The following GOLM2 variants were observed in gnomAD, a reference collection of about 807,000 sequenced individuals.
GOLM2 encodes the protein golgi membrane protein 2, also known as protein GOLM2.
A neutral mutation model predicts 55.9 loss-of-function variants in GOLM2; 26 were observed. That is an observed-to-expected ratio of 0.47 (90% confidence interval 0.34 to 0.65). GOLM2 has a LOEUF of 0.65. Ranked by LOEUF, GOLM2 falls within the 30% of genes least tolerant of loss-of-function variation. GOLM2 has a pLI of 0.01. For synonymous variants in GOLM2, 165 were observed against 194.6 expected (o/e 0.85, Z 1.27); for missense variants, 486 against 531.8 (o/e 0.91, Z 0.85).
At chr15:44,309,543 C>A (rs2078859897) in intron 1 of GOLM2, among the ~76,000 whole-genome samples, 1 of 152,012 alleles carries the variant, frequency 6.6e-6, no homozygotes, top group African/African-American at 2.4e-5. Context: ...GCTAAAAAGG[C>A]TAAAAGCTAA....
At chr15:44,319,633 G>C (rs1485519803) in intron 1 of GOLM2, among the ~76,000 whole-genome samples, 1 of 152,042 alleles carries the variant, frequency 6.6e-6, no homozygotes, top group African/African-American at 2.4e-5. Flanking sequence ...GCCACCTAGG[G>C]TAGGAGTGCC....
chr15:44,342,291 G>T (rs572722244), intron 6 of GOLM2, among the ~76,000 whole-genome samples: 2 of 151,502 alleles, frequency 1.3e-5, no homozygotes, highest in African/African-American at 4.9e-5. Flanking sequence ...TTGGGACAGG[G>T]TCTTGCTCTG....
intron 8 of GOLM2, among the ~76,000 whole-genome samples, chr15:44,402,021 G>A (rs2079568790): frequency 6.6e-6 from 1 of 151,544 alleles, no homozygotes; most frequent in African/African-American, 2.4e-5. Context: ...ATAGAGATGG[G>A]GTTTCACCAT....
Position 44,318,430 on chromosome 15 carries a change from G to A in GOLM2, c.328-4535G>A, listed in dbSNP as rs148039131. The stretch of plus-strand genomic sequence containing the variant: ...CTTTTTAAAATTGCAAATTGGGACT[G>A]GGTGTGCGTGGCTTACGCCCATAAT... On this transcript the variant is annotated intron_variant, in intron 1 of 9. Transcript: ENST00000299957. Among the ~76,000 whole-genome samples, 670 of 152,304 alleles carry A rather than the reference G, an allele frequency of 4.4e-3. 4 individuals are homozygous for A. Among genetic ancestry groups the A allele is most frequent in the African/African-American group, 0.016 (649 of 41,560 alleles).
intron 2 of GOLM2, among the ~76,000 whole-genome samples, chr15:44,323,246 C>T (rs2141131445): frequency 6.6e-6 from 1 of 152,012 alleles, no homozygotes; most frequent in South Asian, 2.1e-4. Flanking sequence ...TAACCTTGAG[C>T]TACAGACAGG....
At chr15:44,306,932 G>A (rs2078841329) in intron 1 of GOLM2, among the ~76,000 whole-genome samples, 1 of 151,960 alleles carries the variant, frequency 6.6e-6, no homozygotes, top group Non-Finnish European at 1.5e-5. Context: ...AGTTTGTGGT[G>A]CCCCCAATTA....
At chr15:44,319,014 G>GTCA (rs1357601170) in intron 1 of GOLM2, among the ~76,000 whole-genome samples, 1 of 152,050 alleles carries the variant, frequency 6.6e-6, no homozygotes, top group Non-Finnish European at 1.5e-5. Flanking sequence ...ACTCATATCA[G>GTCA]TCATCATCAT....
chr15:44,363,664 A>G (rs1432694610), intron 6 of GOLM2, among the ~76,000 whole-genome samples: 7 of 152,058 alleles, frequency 4.6e-5, no homozygotes, highest in African/African-American at 1.7e-4. Flanking sequence ...AACTAGAAAT[A>G]CCATTTGACC....
chr15:44,337,657 G>T (rs963513482), intron 4 of GOLM2, 106 bp from the exon 5 acceptor site: 5 of 738,160 alleles, frequency 6.8e-6, no homozygotes, highest in African/African-American at 1.9e-5. Context: ...TGAACCCATG[G>T]TATATGTTTT....
intron 6 of GOLM2, among the ~76,000 whole-genome samples, chr15:44,366,040 G>A (rs2079281275): frequency 6.6e-6 from 1 of 152,168 alleles, no homozygotes; most frequent in Admixed American, 6.5e-5. Context: ...GCTCACGCCT[G>A]TAATCCCAGC....
chr15:44,356,814 T>G (rs1189460386), intron 6 of GOLM2, among the ~76,000 whole-genome samples: 1 of 152,064 alleles, frequency 6.6e-6, no homozygotes, highest in Non-Finnish European at 1.5e-5. Flanking sequence ...GACCAATATC[T>G]CTCTTGATCT....
chr15:44,359,072 C>T (rs1242688937), intron 6 of GOLM2, among the ~76,000 whole-genome samples: 1 of 151,712 alleles, frequency 6.6e-6, no homozygotes, highest in African/African-American at 2.4e-5. Context: ...ATGGCGTGAA[C>T]CAGGGAGGCG....
intron 2 of GOLM2, among the ~76,000 whole-genome samples, chr15:44,323,263 CAAT>C (rs2078963225): frequency 6.6e-6 from 1 of 151,852 alleles, no homozygotes; most frequent in Non-Finnish European, 1.5e-5. Flanking sequence ...CAGGGTTATG[CAAT>C]GAAATGTTCT....
At chr15:44,387,522 G>A (rs2079454691) in intron 8 of GOLM2, 1 of 151,402 alleles carries the variant, frequency 6.6e-6, no homozygotes, top group South Asian at 2.1e-4. Flanking sequence ...CAGCATTTTC[G>A]GAGACCGAGG....
At chr15:44,392,374 G>A (rs1438082151) in intron 8 of GOLM2, among the ~76,000 whole-genome samples, 2 of 151,960 alleles carry the variant, frequency 1.3e-5, no homozygotes, top group Non-Finnish European at 2.9e-5. Context: ...GTAAATCCCA[G>A]CACTTTGGGA....
chr15:44,413,219 T>C, intron 9 of GOLM2, 117 bp from the exon 10 acceptor site: 1 of 662,352 alleles, frequency 1.5e-6, no homozygotes, highest in Non-Finnish European at 2.6e-6. Flanking sequence ...CTATTTGTAC[T>C]AGGTGTAAAA....
Position 44,325,219 on chromosome 15 carries a change from ATC to A in GOLM2, c.382+2204_382+2205del, listed in dbSNP as rs566426994. On this transcript the variant is annotated intron_variant, in intron 2 of 9. Transcript: ENST00000299957. ...GGTCTTCTTACTTTTCCCCTTGCAAATCTCTGTTTTGACCCACTGGAAATCAC... is the reference window on the plus strand; with the variant it reads ...GGTCTTCTTACTTTTCCCCTTGCAAATCTGTTTTGACCCACTGGAAATCAC... 2.6e-3 allele frequency among the ~76,000 whole-genome samples: 393 copies of A among 151,650 alleles called. 1 individual carries two copies. Among genetic ancestry groups the A allele is most frequent in the Non-Finnish European group, 4.7e-3 (320 of 67,916 alleles).
chr15:44,304,505 G>A lies in GOLM2; in HGVS notation c.327+15149G>A, dbSNP rs979737572. On this transcript the variant is annotated intron_variant, in intron 1 of 9. Transcript: ENST00000299957. ...GATCTGCCCTCCTCAGCCTCCCAAA[G>A]TGCTGGGACTACAGGCATAAGCCAT... Among the ~76,000 whole-genome samples, 21 of 152,134 alleles carry A rather than the reference G, an allele frequency of 1.4e-4. 1 individual carries two copies. Among genetic ancestry groups the A allele is most frequent in the Admixed American group, 1.2e-3 (18 of 15,264 alleles).
At chr15:44,332,265 T>A (rs2079027333) in intron 4 of GOLM2, among the ~76,000 whole-genome samples, 187 bp downstream of exon 4, 1 of 152,046 alleles carries the variant, frequency 6.6e-6, no homozygotes, top group Admixed American at 6.6e-5. Flanking sequence ...TAATCTTAAT[T>A]CTTAAAACTG....
Sources: gnomAD v4.1 joint callset for allele counts (sites outside exome capture counted in the v4.1 genomes callset) on GRCh38, gnomAD v4.1.1 for gene constraint, MANE v1.5 for transcripts, NCBI Gene and HGNC (gene_info 2026-07-23, HGNC 2026-07-21) for gene names.